Variants in JTB observed in about 807,000 individuals in gnomAD.
JTB encodes protein JTB.
In JTB, 10 loss-of-function variants were observed where a neutral mutation model predicts 22.1. The observed-to-expected ratio is 0.45, with a 90% CI of 0.28 to 0.77. JTB has a LOEUF of 0.77. JTB is among the 30% of genes least tolerant of loss of function. JTB has a pLI of 0.13. For missense variants in JTB, 137 were observed against 180.3 expected, an observed-to-expected ratio of 0.76 and a Z score of 1.38; for synonymous variants, 83 against 66.8, an observed-to-expected ratio of 1.24 and a Z score of -1.18.
chr1:153,977,287 G>T lies in JTB; in HGVS notation c.-35C>A. On this transcript the variant is annotated 5_prime_UTR_variant, in exon 1 of 5. Coordinates refer to ENST00000271843, the MANE Select transcript of JTB (RefSeq NM_006694.4). ...AGTGTCGCACCTGTCGGAACAGAGGGACCTACTCCACAGGCCTCGTGCCTC... is the reference window on the plus strand; with the variant it reads ...AGTGTCGCACCTGTCGGAACAGAGGTACCTACTCCACAGGCCTCGTGCCTC... 1 of 1,610,798 alleles carries T rather than the reference G, an allele frequency of 6.2e-7. No homozygotes were observed. Among genetic ancestry groups the T allele is most frequent in the South Asian group, 1.1e-5 (1 of 90,732 alleles).
In JTB at chr1:153,975,855, G is replaced by A. The variant is rs1448920205; in HGVS notation, c.255C>T (p.Cys85=). 1 of 1,614,082 alleles carries A rather than the reference G, an allele frequency of 6.2e-7. No individual in the cohort carries two copies. The highest frequency in any genetic ancestry group is 1.7e-5 in the Admixed American group (1 of 60,028). The change falls in exon 4 of 5, where the codon TGC becomes TGT. Residue 85 remains cysteine (C), a synonymous_variant. Coordinates refer to ENST00000271843, the MANE Select transcript of JTB (RefSeq NM_006694.4). ...TGAACTCATTTCTCTTAGATGAGCT[G>A]CATGTGATTTTCTCTACATATCCTG... ...GPTGYVEKIT[C]SSSKRNEFKS...
chr1:153,976,841 C>G lies in JTB; in HGVS notation c.122-66G>C, dbSNP rs1455414604. ...AACATTTCTCCCAGGCTCTGCCCAT[C>G]CAACTTCCCGGCACAGCGCTTGCCC... On this transcript the variant is annotated intron_variant, in intron 2 of 4. Coordinates refer to ENST00000271843, the MANE Select transcript of JTB (RefSeq NM_006694.4). 4 of 1,600,126 alleles carry G rather than the reference C, an allele frequency of 2.5e-6. No individual in the cohort carries two copies. The African/African-American group carries it at 5.4e-5, about 21-fold the overall frequency.
At chr1:153,975,777 A>G in intron 4 of JTB, 49 bp downstream of exon 4, 2 of 1,446,890 alleles carry the variant, frequency 1.4e-6, no homozygotes, top group Middle Eastern at 1.7e-4. Flanking sequence ...ATCCATCTAA[A>G]GTCATAGGAG....
chr1:153,976,768 G>A lies in JTB; in HGVS notation c.129C>T (p.Thr43=), dbSNP rs1571123471. The part of the protein sequence containing the change: ...PVQEEKLSAS[T]SNLPCWLVEE... ...CCACCAGCCAGCATGGCAAATTTGA[G>A]GTGCTTGCTGAAAGGAAAGATAAAT... is the stretch of plus-strand genomic sequence containing the variant. Residue 43 remains threonine (T), a synonymous_variant, in exon 3 of 5, where the codon ACC becomes ACT. Transcript: ENST00000271843. 1.2e-6 allele frequency: 2 copies of A among 1,614,106 alleles called. No homozygotes were observed. Among genetic ancestry groups the A allele is most frequent in the Middle Eastern group, 1.6e-4 (1 of 6,062 alleles).
intron 3 of JTB, 70 bp downstream of exon 3, chr1:153,976,623 A>G (rs1381774413): frequency 1.6e-6 from 2 of 1,249,686 alleles, no homozygotes; most frequent in Non-Finnish European, 2.3e-6. Context: ...TAAGACTTGG[A>G]TGTTAAGATG....
intron 3 of JTB, among the ~76,000 whole-genome samples, chr1:153,976,476 A>T: frequency 6.6e-6 from 1 of 152,192 alleles, no homozygotes; most frequent in Non-Finnish European, 1.5e-5. Flanking sequence ...CAAACAAAAA[A>T]ACCATAGTTA....
At position 153,977,019 on chromosome 1, in the gene JTB, G is replaced by A; in HGVS notation, c.84-6C>T. ...GCACGGGAGCCTCTGCTTGGCTGTA[G>A]CGGAGTTGGGGGAAGGGACAAAAGT... On this transcript the variant is annotated splice_polypyrimidine_tract_variant and splice_region_variant and intron_variant, in intron 1 of 4. Coordinates refer to ENST00000271843, the MANE Select transcript of JTB (RefSeq NM_006694.4). The A allele has an allele frequency of 6.2e-7, 1 of 1,614,186 alleles. No homozygotes were observed. The highest frequency in any genetic ancestry group is 8.5e-7 in the Non-Finnish European group (1 of 1,180,034).
In JTB at chr1:153,977,469, C is replaced by G. The variant is rs1648837044; in HGVS notation, c.-217G>C. 1 of 1,293,022 alleles carries G rather than the reference C, an allele frequency of 7.7e-7. No individual in the cohort carries two copies. The highest frequency in any genetic ancestry group is 9.8e-7 in the Non-Finnish European group (1 of 1,018,516). 80.1% of individuals were successfully genotyped at this position (1,293,022 alleles called of 1,614,324 possible). ...GATATGTTTTTGCGGGCTAGGGAGG[C>G]GAGCGCCTTCTGCGGGGTCCGCAGG... On this transcript the variant is annotated 5_prime_UTR_variant, in exon 1 of 5. Coordinates refer to ENST00000271843, the MANE Select transcript of JTB (RefSeq NM_006694.4).
intron 3 of JTB, 37 bp from the exon 4 acceptor site, chr1:153,975,942 G>A (rs906916047): frequency 6.8e-7 from 1 of 1,469,918 alleles, no homozygotes; most frequent in Admixed American, 1.7e-5. Context: ...ATGTTAGGAA[G>A]GGGCAACAGG....
rs531635629 is a variant in JTB, at chr1:153,977,356, G to T, written c.-104C>A. 2.0e-6 allele frequency: 3 copies of T among 1,526,234 alleles called. No homozygotes were observed. The South Asian group carries it at 3.8e-5, about 19-fold the overall frequency. 94.5% of individuals were successfully genotyped at this position (1,526,234 alleles called of 1,614,324 possible). ...GCACTTACTCTGCAGCCCTCCCAGA[G>T]GTTCCAGGTCAGGGCAGGGAAGGCC... On this transcript the variant is annotated 5_prime_UTR_variant, in exon 1 of 5. Coordinates refer to ENST00000271843, the MANE Select transcript of JTB (RefSeq NM_006694.4).
chr1:153,975,588 T>A (rs770094834), intron 4 of JTB, among the ~76,000 whole-genome samples: 1 of 151,926 alleles, frequency 6.6e-6, no homozygotes, highest in African/African-American at 2.4e-5. Flanking sequence ...ACCAGCTAAT[T>A]TTTGTATTTT....
At position 153,975,762 on chromosome 1, in the gene JTB, G is replaced by A. The variant is rs566096106; in HGVS notation, c.284+64C>T. On this transcript the variant is annotated intron_variant, in intron 4 of 4. Transcript: ENST00000271843. Reference sequence around the variant, plus strand: ...TACCCCCAGACCAGGGGAAAAGGTGGGACCATCCATCTAAAGTCATAGGAG... The same window carrying A: ...TACCCCCAGACCAGGGGAAAAGGTGAGACCATCCATCTAAAGTCATAGGAG... The A allele has an allele frequency of 4.9e-5, 64 of 1,296,844 alleles. 1 individual carries two copies. The South Asian group carries it at 7.3e-4, about 15-fold the overall frequency. The allele number at this position is 1,296,844 out of a possible 1,614,324, so 80.3% of individuals were successfully genotyped here.
At position 153,977,511 on chromosome 1, in the gene JTB, C is replaced by G; in HGVS notation, c.-259G>C. 1.7e-6 allele frequency: 2 copies of G among 1,183,036 alleles called. No individual in the cohort carries two copies. Among genetic ancestry groups the G allele is most frequent in the Non-Finnish European group, 2.1e-6 (2 of 951,550 alleles). 73.3% of individuals were successfully genotyped at this position (1,183,036 alleles called of 1,614,324 possible). On this transcript the variant is annotated 5_prime_UTR_variant, in exon 1 of 5. Transcript: ENST00000271843. Reference sequence around the variant, plus strand: ...GTCCGCAGGGCGCTGGAGGAAGGGCCGGCGGGGGCTCGCGGCCCTAGCGCC... The same window carrying G: ...GTCCGCAGGGCGCTGGAGGAAGGGCGGGCGGGGGCTCGCGGCCCTAGCGCC...
rs1023082096 is a variant in JTB at position 153,977,486 on chromosome 1, G to C, written c.-234C>G. 1.8e-5 allele frequency: 23 copies of C among 1,260,110 alleles called. No homozygotes were observed. Among genetic ancestry groups the C allele is most frequent in the Middle Eastern group, 6.3e-4 (2 of 3,200 alleles). 78.1% of individuals were successfully genotyped at this position (1,260,110 alleles called of 1,614,324 possible). ...TAGGGAGGCGAGCGCCTTCTGCGGG[G>C]TCCGCAGGGCGCTGGAGGAAGGGCC... On this transcript the variant is annotated 5_prime_UTR_variant, in exon 1 of 5. Transcript: ENST00000271843.
chr1:153,974,335 T>G lies in JTB; in HGVS notation c.*344A>C, dbSNP rs987468189. ...GGGTTGAGGGGAAATAAGTTTTGAGTGAGAAATAAACGTTTTAGCTGAAAT... is the reference window on the plus strand; with the variant it reads ...GGGTTGAGGGGAAATAAGTTTTGAGGGAGAAATAAACGTTTTAGCTGAAAT... On this transcript the variant is annotated 3_prime_UTR_variant, in exon 5 of 5. Coordinates refer to ENST00000271843, the MANE Select transcript of JTB (RefSeq NM_006694.4). 6.8e-6 allele frequency: 3 copies of G among 439,524 alleles called. No individual in the cohort carries two copies. Among genetic ancestry groups the G allele is most frequent in the Admixed American group, 7.3e-5 (2 of 27,218 alleles). The allele number at this position is 439,524 out of a possible 1,614,324, so 27.2% of individuals were successfully genotyped here. A position where few individuals can be genotyped will look rare whatever the true frequency, so the allele number is the denominator to read the frequency against.
chr1:153,976,590 A>G, intron 3 of JTB, 103 bp downstream of exon 3: 1 of 948,642 alleles, frequency 1.1e-6, no homozygotes, highest in Non-Finnish European at 1.7e-6. Context: ...GAAAGAAAAA[A>G]AGATGATGCA....
chr1:153,977,634 T>A lies in JTB; in HGVS notation c.-382A>T, dbSNP rs1027913012. On this transcript the variant is annotated 5_prime_UTR_variant, in exon 1 of 5. Transcript: ENST00000271843. ...CGGGGCCCGGTGTTCCCGGGGGCGT[T>A]CGGTCGTCGCCCGCTGGGGCTTATA... 1 of 1,007,436 alleles carries A rather than the reference T, an allele frequency of 9.9e-7. No individual in the cohort carries two copies. The highest frequency in any genetic ancestry group is 1.2e-6 in the Non-Finnish European group (1 of 843,884). The allele number at this position is 1,007,436 out of a possible 1,614,324, so 62.4% of individuals were successfully genotyped here. A position where few individuals can be genotyped will look rare whatever the true frequency, so the allele number is the denominator to read the frequency against.
In JTB at chr1:153,975,812, G is replaced by GA; in HGVS notation, c.284+13dup. On this transcript the variant is annotated intron_variant, in intron 4 of 4. Transcript: ENST00000271843. Reference sequence around the variant, plus strand: ...GCAAAGGAGGTGATCTCAGAGAAGAGAAACAGCACTCACCTTTTGAACTCA... The same window carrying GA: ...GCAAAGGAGGTGATCTCAGAGAAGAGAAAACAGCACTCACCTTTTGAACTCA... 1.2e-6 allele frequency: 2 copies of GA among 1,606,432 alleles called. No individual in the cohort carries two copies. The highest frequency in any genetic ancestry group is 1.7e-6 in the Non-Finnish European group (2 of 1,173,124).
At chr1:153,976,107 C>CAGTCTAGG (rs1392114721) in intron 3 of JTB, among the ~76,000 whole-genome samples, 1 of 152,188 alleles carries the variant, frequency 6.6e-6, no homozygotes, top group African/African-American at 2.4e-5. Context: ...TCAGGGGCAA[C>CAGTCTAGG]AGTCTAGGAG....
Sources: gnomAD v4.1 joint callset for allele counts (sites outside exome capture counted in the v4.1 genomes callset) on GRCh38, gnomAD v4.1.1 for gene constraint, MANE v1.5 for transcripts, NCBI Gene and HGNC (gene_info 2026-07-23, HGNC 2026-07-21) for gene names.